The following CCDC120 variants were observed in gnomAD, a reference collection of about 807,000 sequenced individuals.
CCDC120 encodes coiled-coil domain containing 120, also known as coiled-coil domain-containing protein 120.
Under a neutral mutation model 37.6 loss-of-function variants are expected in CCDC120, and 16 were observed. That is an observed-to-expected ratio of 0.43 (90% confidence interval 0.29 to 0.65). CCDC120 has a LOEUF of 0.65. Among genes scored for constraint, CCDC120 ranks in the 30% least tolerant of loss-of-function variants. The pLI, the probability that CCDC120 is intolerant of heterozygous loss-of-function variation, is 0.18. For synonymous variants in CCDC120, 309 were observed against 275.4 expected, an observed-to-expected ratio of 1.12 and a Z score of -1.21; for missense variants, 650 against 657.4, an observed-to-expected ratio of 0.99 and a Z score of 0.12.
rs781919882 is a variant in CCDC120 at position 49,067,481 on chromosome X, C to T, written c.1367C>T (p.Ala456Val). 1 of 1,175,027 alleles carries T rather than the reference C, an allele frequency of 8.5e-7. No individual in the cohort carries two copies. The highest frequency in any genetic ancestry group is 1.1e-6 in the Non-Finnish European group (1 of 876,359). ...TAGPPDPPRA[A>V]RPSSAAPASR... ...GGCCCCCCAGACCCTCCCCGGGCCG[C>T]CCGGCCTAGCTCAGCTGCCCCTGCC... The change falls in exon 10 of 11, where the codon GCC becomes GTC. Residue 456 changes from alanine to valine, a missense_variant. Physicochemically the swap from Ala to Val is moderately conservative, Grantham distance 64. Coordinates refer to ENST00000603986, the MANE Select transcript of CCDC120 (RefSeq NM_001163321.4).
chrX:49,061,903 C>T (rs1467559250), intron 1 of CCDC120, 56 bp from the exon 2 acceptor site: 8 of 1,062,661 alleles, frequency 7.5e-6, no homozygotes, highest in African/African-American at 1.9e-5. Context: ...GTGTTGACTG[C>T]GTGTCCATTG....
intron 9 of CCDC120, among the ~76,000 whole-genome samples, chrX:49,066,116 C>T (rs184842270): frequency 4.5e-5 from 5 of 111,315 alleles, no homozygotes; most frequent in Admixed American, 1.9e-4. Flanking sequence ...CCAGCTACTT[C>T]GGAGGCTGAG....
intron 4 of CCDC120, 124 bp downstream of exon 4, chrX:49,062,725 T>C (rs2064900897): frequency 1.4e-6 from 1 of 707,785 alleles, no homozygotes; most frequent in Non-Finnish European, 2.0e-6. Context: ...AGATTCCCTG[T>C]CACCTACTTT....
At chrX:49,065,290 C>A (rs2064939775) in intron 7 of CCDC120, among the ~76,000 whole-genome samples, 164 bp from the exon 8 acceptor site, 1 of 111,611 alleles carries the variant, frequency 9.0e-6, no homozygotes, top group Non-Finnish European at 1.9e-5. Context: ...TCACCCCACC[C>A]CAGCCCCACA....
Position 49,067,562 on chromosome X carries a change from C to A in CCDC120, c.1448C>A (p.Ser483Tyr). ...TGTGGAGACTTCCTCTTGGACTATT[C>A]CTTGGACCGGGGCCTGCCCCGCAGT... ...PVCGDFLLDY[S>Y]LDRGLPRSGG... is the part of the protein sequence containing the mutation. The change falls in exon 10 of 11, where the codon TCC becomes TAC. Residue 483 changes from serine to tyrosine, a missense_variant. Ser to Tyr is a moderately radical substitution (Grantham distance 144). Transcript: ENST00000603986. The A allele has an allele frequency of 8.5e-7, 1 of 1,172,529 alleles. No homozygotes were observed. Among genetic ancestry groups the A allele is most frequent in the Non-Finnish European group, 1.1e-6 (1 of 873,480 alleles).
At chrX:49,064,222 C>T in intron 5 of CCDC120, 148 bp from the exon 6 acceptor site, 1 of 770,070 alleles carries the variant, frequency 1.3e-6, no homozygotes, top group Non-Finnish European at 1.8e-6. Flanking sequence ...ACAGACCCAG[C>T]CCTTCACCAA....
upstream of CCDC120, among the ~76,000 whole-genome samples, chrX:49,057,483 G>C (rs1391705816): frequency 3.6e-5 from 4 of 112,193 alleles, no homozygotes; most frequent in African/African-American, 1.3e-4. Context: ...GCCCATAAGA[G>C]GTGGGAGAGG....
At chrX:49,059,722 A>G (rs1557079048) in intron 1 of CCDC120, among the ~76,000 whole-genome samples, 1 of 111,651 alleles carries the variant, frequency 9.0e-6, no homozygotes, top group Non-Finnish European at 1.9e-5. Context: ...AGAATGGCAG[A>G]CCTGAAAAAC....
At chrX:49,061,518 A>G (rs782446375) in intron 1 of CCDC120, among the ~76,000 whole-genome samples, 2 of 112,793 alleles carry the variant, frequency 1.8e-5, no homozygotes, top group South Asian at 3.6e-4. Flanking sequence ...AGGAGGCACA[A>G]TCTCTTGTTG....
At chrX:49,059,238 G>A (rs930538656) in intron 1 of CCDC120, 143 bp downstream of exon 1, 5 of 404,800 alleles carry the variant, frequency 1.2e-5, no homozygotes, top group Admixed American at 9.2e-5. Context: ...GGGTGGTGGT[G>A]GGGGGGTAGG....
At position 49,063,935 on chromosome X, in the gene CCDC120, C is replaced by T. The variant is rs1557080199; in HGVS notation, c.363C>T (p.Pro121=). 1 of 1,209,031 alleles carries T rather than the reference C, an allele frequency of 8.3e-7. No homozygotes were observed. Among genetic ancestry groups the T allele is most frequent in the South Asian group, 1.8e-5 (1 of 56,498 alleles). Residue 121 remains proline (P), a synonymous_variant, in exon 5 of 11, where the codon CCC becomes CCT. Transcript: ENST00000603986. ...GERPQLVRRR[P]PTARAYPPPH... ...GGCCCCAGTTGGTCCGCCGGCGGCC[C>T]CCCACAGCCCGCGCCTACCCTCCAC...
chrX:49,059,237 T>TG (rs1417446632), intron 1 of CCDC120, 142 bp downstream of exon 1: 11 of 379,078 alleles, frequency 2.9e-5, no homozygotes, highest in East Asian at 5.0e-4. Context: ...AGGGTGGTGG[T>TG]GGGGGGGTAG....
upstream of CCDC120, among the ~76,000 whole-genome samples, chrX:49,055,889 G>A (rs1292042242): frequency 8.9e-6 from 1 of 112,119 alleles, no homozygotes; most frequent in African/African-American, 3.2e-5. Flanking sequence ...AACCTACCAA[G>A]TTATTTGAAG....
upstream of CCDC120, among the ~76,000 whole-genome samples, chrX:49,057,025 T>G (rs1462758473): frequency 8.9e-6 from 1 of 112,062 alleles, no homozygotes; most frequent in Non-Finnish European, 1.9e-5. Context: ...CAGAGCTGGG[T>G]TGAATCCCAG....
In CCDC120 at chrX:49,068,802, G is replaced by A. The variant is rs1378151127; in HGVS notation, c.*144G>A. 20 of 545,984 alleles carry A rather than the reference G, an allele frequency of 3.7e-5. No homozygotes were observed. The highest frequency in any genetic ancestry group is 4.5e-5 in the East Asian group (1 of 22,035). 45.0% of individuals were successfully genotyped at this position (545,984 alleles called of 1,213,427 possible). A position where few individuals can be genotyped will look rare whatever the true frequency, so the allele number is the denominator to read the frequency against. On this transcript the variant is annotated 3_prime_UTR_variant, in exon 11 of 11. Transcript: ENST00000603986. ...AATCTTCCAAGGCCCCTGGCTCCCC[G>A]TAGGCCCAGGAAGGTGTCTGACACC...
chrX:49,068,496 C>G lies in CCDC120; in HGVS notation c.1977-48C>G, dbSNP rs112368047. 1.0e-3 allele frequency: 1,080 copies of G among 1,049,942 alleles called. 9 individuals carry two copies. In the African/African-American group the frequency reaches 0.019, roughly 18 times the overall value. The allele number at this position is 1,049,942 out of a possible 1,213,427, so 86.5% of individuals were successfully genotyped here. The stretch of plus-strand genomic sequence containing the variant: ...TGTGTCTTGTCTGTCTTTTCTTCTT[C>G]TTGTCTTCCCCGCCCTGTCCTCCGG... On this transcript the variant is annotated intron_variant, in intron 10 of 10. Transcript: ENST00000603986.
At position 49,068,009 on chromosome X, in the gene CCDC120, T is replaced by A. The variant is rs782469120; in HGVS notation, c.1895T>A (p.Val632Glu). The A allele has an allele frequency of 1.7e-5, 19 of 1,127,923 alleles. No individual in the cohort carries two copies. Among genetic ancestry groups the A allele is most frequent in the Non-Finnish European group, 1.3e-5 (11 of 851,792 alleles). The allele number at this position is 1,127,923 out of a possible 1,213,427, so 93.0% of individuals were successfully genotyped here. A position where few individuals can be genotyped will look rare whatever the true frequency, so the allele number is the denominator to read the frequency against. Reference protein sequence around the residue: ...PPFLHARCYEVGQALYGAPSQ... With the variant: ...PPFLHARCYEEGQALYGAPSQ... Reference sequence around the variant, plus strand: ...TTCCTCCATGCCCGCTGCTATGAGGTGGGCCAGGCGCTGTACGGGGCCCCC... The same window carrying A: ...TTCCTCCATGCCCGCTGCTATGAGGAGGGCCAGGCGCTGTACGGGGCCCCC... The change falls in exon 10 of 11, where the codon GTG becomes GAG. Residue 632 changes from valine to glutamate, a missense_variant. Around this residue, in one of 3 missense-constraint regions of CCDC120, gnomAD observed 576 missense variants for 565.3 expected, o/e 1.02. Transcript: ENST00000603986.
At chrX:49,064,252 C>T in intron 5 of CCDC120, 118 bp from the exon 6 acceptor site, 1 of 878,002 alleles carries the variant, frequency 1.1e-6, no homozygotes, top group Non-Finnish European at 1.5e-6. Context: ...TGACACGCCC[C>T]CTCCCCGGGG....
At position 49,059,353 on chromosome X, in the gene CCDC120, T is replaced by A. The variant is rs183935661; in HGVS notation, c.-84+258T>A. On this transcript the variant is annotated intron_variant, in intron 1 of 10. Coordinates refer to ENST00000603986, the MANE Select transcript of CCDC120 (RefSeq NM_001163321.4). ...CCGGCCGGAAATGGACGAGGAGGGA[T>A]CGGGGAAAAGAGAAGTATGAGTCCC... 1.4e-4 allele frequency: 107 copies of A among 752,382 alleles called. No homozygotes were observed. In the East Asian group the frequency reaches 0.011, roughly 80 times the overall value. The allele number at this position is 752,382 out of a possible 1,213,427, so 62.0% of individuals were successfully genotyped here. A position where few individuals can be genotyped will look rare whatever the true frequency, so the allele number is the denominator to read the frequency against.
Sources: gnomAD v4.1 joint callset for allele counts (sites outside exome capture counted in the v4.1 genomes callset) on GRCh38, gnomAD v4.1.1 for gene constraint, gnomAD v4.1.1 regional missense constraint, MANE v1.5 for transcripts, NCBI Gene and HGNC (gene_info 2026-07-23, HGNC 2026-07-21) for gene names.